DPP8: variants seen among roughly 807,000 people sequenced by gnomAD.
DPP8 encodes DPP VIII.
DPP8 carries 31 observed loss-of-function variants against 107.5 expected under a neutral mutation model. The ratio of observed to expected loss-of-function variants is 0.29; its 90% CI spans 0.22 to 0.39. DPP8 has a LOEUF of 0.39. DPP8 is among the 10% of genes least tolerant of loss of function. DPP8 has a pLI of 1.00. For synonymous variants in DPP8, 381 were observed against 356.6 expected, an observed-to-expected ratio of 1.07 and a Z score of -0.77; for missense variants, 842 against 1,076.1, an observed-to-expected ratio of 0.78 and a Z score of 3.04.
At chr15:65,506,472 G>A (rs1414366471) in intron 3 of DPP8, among the ~76,000 whole-genome samples, 2 of 151,822 alleles carry the variant, frequency 1.3e-5, no homozygotes, top group Non-Finnish European at 2.9e-5. Flanking sequence ...AAATCGGCCA[G>A]GTGAGGTGGC....
intron 12 of DPP8, among the ~76,000 whole-genome samples, chr15:65,470,295 C>CA (rs1401102008): frequency 6.7e-6 from 1 of 148,568 alleles, no homozygotes; most frequent in African/African-American, 2.5e-5. Flanking sequence ...TAACTTAAGT[C>CA]AAAAAACAAA....
At chr15:65,457,849 G>A (rs559012548) in intron 15 of DPP8, among the ~76,000 whole-genome samples, 21 of 151,188 alleles carry the variant, frequency 1.4e-4, no homozygotes, top group Non-Finnish European at 2.8e-4. Flanking sequence ...GCTGGAGTGT[G>A]GTGGTACAAT....
rs183003066 is a variant in DPP8 at position 65,482,998 on chromosome 15, G to A, written c.1018-1383C>T. Among the ~76,000 whole-genome samples the A allele has an allele frequency of 1.4e-3, 217 of 152,174 alleles. 7 individuals are homozygous for A. The East Asian group carries it at 0.033, about 23-fold the overall frequency. The stretch of plus-strand genomic sequence containing the variant: ...TGTAGTACCAGCCACTCTGGAGGCC[G>A]AGGCAGGAGAATGGCGTGAACCCGG... On this transcript the variant is annotated intron_variant, in intron 8 of 19. Coordinates refer to ENST00000300141, the MANE Select transcript of DPP8 (RefSeq NM_130434.5).
At chr15:65,471,427 G>T (rs2065888060) in intron 12 of DPP8, among the ~76,000 whole-genome samples, 1 of 151,696 alleles carries the variant, frequency 6.6e-6, no homozygotes, top group African/African-American at 2.4e-5. Context: ...GCTCAATGCA[G>T]CCTCAACCTC....
At chr15:65,513,238 G>A (rs1316288211) in intron 1 of DPP8, among the ~76,000 whole-genome samples, 2 of 151,114 alleles carry the variant, frequency 1.3e-5, no homozygotes, top group Non-Finnish European at 2.9e-5. Flanking sequence ...TTTTGAGACG[G>A]AGTCTCGCTC....
chr15:65,460,645 C>T (rs1237476019), intron 15 of DPP8, among the ~76,000 whole-genome samples: 1 of 152,188 alleles, frequency 6.6e-6, no homozygotes, highest in Non-Finnish European at 1.5e-5. Flanking sequence ...CAGTGTTATA[C>T]TATATGTCAG....
chr15:65,509,732 G>C (rs1041739350), intron 2 of DPP8, among the ~76,000 whole-genome samples: 1 of 152,132 alleles, frequency 6.6e-6, no homozygotes, highest in Non-Finnish European at 1.5e-5. Flanking sequence ...TAAAAGAAAA[G>C]ATTTCTGGCC....
intron 2 of DPP8, among the ~76,000 whole-genome samples, chr15:65,510,315 AAAT>A (rs893541432): frequency 2.0e-5 from 3 of 152,096 alleles, no homozygotes; most frequent in African/African-American, 7.2e-5. Context: ...CCGTCTCAAA[AAAT>A]AATAATAATT....
At chr15:65,484,446 GTTGCAAAACT>G (rs2067215763) in intron 8 of DPP8, among the ~76,000 whole-genome samples, 1 of 151,846 alleles carries the variant, frequency 6.6e-6, no homozygotes, top group Admixed American at 6.6e-5. Context: ...TGTGGTGATG[GTTGCAAAACT>G]CTGTGAATAT....
intron 15 of DPP8, among the ~76,000 whole-genome samples, chr15:65,456,869 A>G (rs1419079077): frequency 6.6e-6 from 1 of 151,972 alleles, no homozygotes; most frequent in African/African-American, 2.4e-5. Context: ...AGTGCACTGT[A>G]CTCTAACCTT....
intron 19 of DPP8, among the ~76,000 whole-genome samples, chr15:65,449,357 G>A (rs1038872205): frequency 6.7e-6 from 1 of 150,196 alleles, no homozygotes; most frequent in Admixed American, 6.7e-5. Context: ...GTCCAGTTTT[G>A]GTACAGTATC....
chr15:65,507,423 A>C, intron 2 of DPP8, 68 bp from the exon 3 acceptor site: 1 of 957,590 alleles, frequency 1.0e-6, no homozygotes, highest in Non-Finnish European at 1.7e-6. Context: ...CACAGTTGCA[A>C]GTACATAATG....
At chr15:65,502,654 G>A (rs1410014162) in intron 3 of DPP8, 1 of 151,430 alleles carries the variant, frequency 6.6e-6, no homozygotes, top group African/African-American at 2.4e-5. Flanking sequence ...TTCCAGCCTG[G>A]GCAACAGAGC....
chr15:65,448,839 T>A (rs2063698637), intron 19 of DPP8, among the ~76,000 whole-genome samples: 1 of 121,914 alleles, frequency 8.2e-6, no homozygotes, highest in Non-Finnish European at 1.7e-5. Flanking sequence ...ACATATATAA[T>A]ATATAAAATA....
At chr15:65,457,652 C>T (rs1451111490) in intron 15 of DPP8, among the ~76,000 whole-genome samples, 3 of 152,206 alleles carry the variant, frequency 2.0e-5, no homozygotes, top group African/African-American at 4.8e-5. Context: ...GGTATCCTCA[C>T]TGCCTAGAAC....
intron 7 of DPP8, among the ~76,000 whole-genome samples, chr15:65,486,612 T>G (rs886075146): frequency 9.2e-6 from 1 of 109,038 alleles, no homozygotes; most frequent in African/African-American, 3.6e-5. Context: ...ATTAAAAAAA[T>G]GTAGTATATA....
intron 16 of DPP8, chr15:65,455,922 A>C: frequency 1.8e-6 from 2 of 1,099,220 alleles, no homozygotes; most frequent in Non-Finnish European, 2.5e-6. Flanking sequence ...ACAAATCTCA[A>C]TTATTCCTCA....
Position 65,467,119 on chromosome 15 carries a change from C to T in DPP8, c.1641G>A (p.Val547=), listed in dbSNP as rs2065429502. 1 of 1,614,158 alleles carries T rather than the reference C, an allele frequency of 6.2e-7. No homozygotes were observed. The highest frequency in any genetic ancestry group is 1.3e-5 in the African/African-American group (1 of 75,050). The change falls in exon 13 of 20, where the codon GTG becomes GTA. Residue 547 remains valine, a synonymous_variant. Coordinates refer to ENST00000300141, the MANE Select transcript of DPP8 (RefSeq NM_130434.5). ...AGTAGCCACGGTCAGTCAGCCTTGT[C>T]ACCTCTCCAGGATTTACGTAACTGA... is the stretch of plus-strand genomic sequence containing the variant. The part of the protein sequence containing the change: ...YVVSYVNPGE[V]TRLTDRGYSH...
At position 65,517,488 on chromosome 15, in the gene DPP8, T is replaced by C. The variant is rs1379519314; in HGVS notation, c.-14A>G. 1.3e-5 allele frequency: 2 copies of C among 152,428 alleles called. No homozygotes were observed. The highest frequency in any genetic ancestry group is 2.9e-5 in the Non-Finnish European group (2 of 68,288). 9.4% of individuals were successfully genotyped at this position (152,428 alleles called of 1,614,324 possible). A position where few individuals can be genotyped will look rare whatever the true frequency, so the allele number is the denominator to read the frequency against. On this transcript the variant is annotated splice_region_variant and 5_prime_UTR_variant, in exon 1 of 20. Transcript: ENST00000300141. ...GGAGAAGGGGGCGGATACTGCACCT[T>C]CCCCCCGGCCCCGCCCGGACCGTCC...
Sources: gnomAD v4.1 joint callset for allele counts (sites outside exome capture counted in the v4.1 genomes callset) on GRCh38, gnomAD v4.1.1 for gene constraint, MANE v1.5 for transcripts, NCBI Gene and HGNC (gene_info 2026-07-23, HGNC 2026-07-21) for gene names.